CDYL: variants seen among roughly 807,000 people sequenced by gnomAD.
The protein encoded by CDYL is chromodomain Y-like protein.
CDYL carries 8 observed loss-of-function variants against 47.3 expected under a neutral mutation model. The ratio of observed to expected loss-of-function variants is 0.17; its 90% confidence interval spans 0.10 to 0.31. The LOEUF is 0.31. CDYL is among the 10% of genes least tolerant of loss of function. The pLI, the probability that CDYL is intolerant of heterozygous loss-of-function variation, is 1.00. For synonymous variants in CDYL, 266 were observed against 265.0 expected (o/e 1.00, Z -0.04); for missense variants, 471 against 701.4 (o/e 0.67, Z 3.71).
chr6:4,779,119 T>C (rs572862988), intron 1 of CDYL, among the ~76,000 whole-genome samples: 1 of 152,310 alleles, frequency 6.6e-6, no homozygotes, highest in African/African-American at 2.4e-5. Context: ...TAGAGTTGTA[T>C]TGTTTTCATA....
rs895308977 is a variant in CDYL at position 4,799,781 on chromosome 6, T to G, written c.24+22974T>G. Among the ~76,000 whole-genome samples the G allele has an allele frequency of 2.0e-4, 30 of 152,250 alleles. 1 individual carries two copies. The highest frequency in any genetic ancestry group is 6.8e-4 in the African/African-American group (28 of 41,472). ...TGTTTTATTGTTTTTTGGTCCAATT[T>G]TATCAATTACTGAGAAATATGTTAG... is the stretch of plus-strand genomic sequence containing the variant. On this transcript the variant is annotated intron_variant, in intron 1 of 6. Transcript: ENST00000397588.
chr6:4,733,946 G>T, intron 2 of CDYL, among the ~76,000 whole-genome samples: 1 of 151,406 alleles, frequency 6.6e-6, no homozygotes, highest in Non-Finnish European at 1.5e-5. Flanking sequence ...CTGCTTCCTG[G>T]GTTCAAGCTA....
chr6:4,928,929 T>G (rs998548021), intron 2 of CDYL, among the ~76,000 whole-genome samples: 3 of 152,214 alleles, frequency 2.0e-5, no homozygotes, highest in Non-Finnish European at 4.4e-5. Flanking sequence ...AGACATTGTT[T>G]CAGTGATGAG....
chr6:4,910,978 C>T (rs889882346), intron 2 of CDYL, among the ~76,000 whole-genome samples: 10 of 152,084 alleles, frequency 6.6e-5, no homozygotes, highest in Middle Eastern at 3.2e-3. Flanking sequence ...GGACTACAGG[C>T]GCCTGCCACC....
At chr6:4,891,576 A>G (rs1306074568) in intron 1 of CDYL, 137 bp from the exon 2 acceptor site, 4 of 687,870 alleles carry the variant, frequency 5.8e-6, no homozygotes, top group East Asian at 2.7e-5. Context: ...GCCTATTACT[A>G]TTTTATTGAG....
chr6:4,929,324 A>C (rs975911524), intron 2 of CDYL, among the ~76,000 whole-genome samples: 3 of 151,218 alleles, frequency 2.0e-5, no homozygotes, highest in African/African-American at 7.3e-5. Flanking sequence ...CTGTTATTCT[A>C]TCTGTAATCT....
intron 1 of CDYL, among the ~76,000 whole-genome samples, chr6:4,804,576 G>A (rs1268391643): frequency 6.6e-6 from 1 of 152,164 alleles, no homozygotes; most frequent in South Asian, 2.1e-4. Flanking sequence ...TGGCCTTGGA[G>A]GCTTATTTTG....
At chr6:4,840,379 G>C (rs1259354562) in intron 1 of CDYL, among the ~76,000 whole-genome samples, 1 of 152,062 alleles carries the variant, frequency 6.6e-6, no homozygotes, top group African/African-American at 2.4e-5. Flanking sequence ...CCTCTTTACT[G>C]ATTTGGATGG....
chr6:4,830,150 G>A (rs1760094888), intron 1 of CDYL, among the ~76,000 whole-genome samples: 1 of 152,194 alleles, frequency 6.6e-6, no homozygotes, highest in Non-Finnish European at 1.5e-5. Context: ...AATATTCAAG[G>A]TGTGCGTAAG....
intron 1 of CDYL, among the ~76,000 whole-genome samples, chr6:4,866,330 C>T (rs1761322360): frequency 6.6e-6 from 1 of 151,898 alleles, no homozygotes; most frequent in Non-Finnish European, 1.5e-5. Flanking sequence ...TAAGAGGATA[C>T]AAGTGCAAAA....
At chr6:4,882,784 G>A (rs893470108) in intron 1 of CDYL, among the ~76,000 whole-genome samples, 2 of 152,124 alleles carry the variant, frequency 1.3e-5, no homozygotes, top group Admixed American at 6.5e-5. Context: ...AAACACCTGT[G>A]GGAAAATATT....
intron 2 of CDYL, among the ~76,000 whole-genome samples, chr6:4,912,643 G>A (rs1757446570): frequency 1.3e-5 from 2 of 152,194 alleles, no homozygotes; most frequent in Non-Finnish European, 2.9e-5. Flanking sequence ...CTGAAACTAC[G>A]TAATTTACAA....
chr6:4,877,845 T>C (rs1184591747), intron 1 of CDYL, among the ~76,000 whole-genome samples: 1 of 152,194 alleles, frequency 6.6e-6, no homozygotes. Context: ...GTTAAAATCA[T>C]CTTGTTGGTT....
rs377370039 is a variant in CDYL at position 4,913,679 on chromosome 6, C to A, written c.691+21300C>A. Among the ~76,000 whole-genome samples the A allele has an allele frequency of 3.2e-3, 492 of 152,274 alleles. 1 individual carries two copies. Among genetic ancestry groups the A allele is most frequent in the African/African-American group, 0.011 (476 of 41,558 alleles). On this transcript the variant is annotated intron_variant, in intron 2 of 6. Transcript: ENST00000397588. ...AGGGTTATACTGGACAAAAGAGGAC[C>A]GTCTAGTCTAGGGATCAGCACGCTT...
In CDYL at chr6:4,845,853, G is replaced by C. The variant is rs1200229251; in HGVS notation, c.25-45860G>C. On this transcript the variant is annotated intron_variant, in intron 1 of 6. Coordinates refer to ENST00000397588, the MANE Select transcript of CDYL (RefSeq NM_004824.4). ...CCGAAACAGGTGGCAGGGTGGATTT[G>C]GCCCGCAGACCAATTTGTTGACCCT... Among the ~76,000 whole-genome samples the C allele has an allele frequency of 2.0e-5, 3 of 152,118 alleles. 1 individual carries two copies. The highest frequency in any genetic ancestry group is 2.0e-4 in the Admixed American group (3 of 15,256).
chr6:4,887,047 C>T lies in CDYL; in HGVS notation c.25-4666C>T, dbSNP rs60109407. On this transcript the variant is annotated intron_variant, in intron 1 of 6. Coordinates refer to ENST00000397588, the MANE Select transcript of CDYL (RefSeq NM_004824.4). ...TTTCAGAGCCTTCTATTCCATTAGG[C>T]TATATGTCTGTAGTTCCACGCTGCC... is the stretch of plus-strand genomic sequence containing the variant. Among the ~76,000 whole-genome samples the T allele has an allele frequency of 8.7e-3, 1,328 of 152,210 alleles. 25 individuals carry two copies. Among genetic ancestry groups the T allele is most frequent in the African/African-American group, 0.031 (1,268 of 41,532 alleles).
At chr6:4,748,682 A>ACAC (rs1248295380) in intron 3 of CDYL, among the ~76,000 whole-genome samples, 1,236 of 66,562 alleles carry the variant, frequency 0.019, 11 homozygotes, top group Non-Finnish European at 0.029. Flanking sequence ...CACACACACA[A>ACAC]ACAAATTTTA....
chr6:4,837,437 T>C (rs1398063465), intron 1 of CDYL, among the ~76,000 whole-genome samples: 4 of 151,980 alleles, frequency 2.6e-5, no homozygotes, highest in South Asian at 2.1e-4. Flanking sequence ...TTACAAAAAT[T>C]AGTAAATACT....
At chr6:4,708,459 C>T (rs2127405485) in intron 1 of CDYL, among the ~76,000 whole-genome samples, 1 of 152,240 alleles carries the variant, frequency 6.6e-6, no homozygotes, top group East Asian at 1.9e-4. Context: ...CACACCTGGC[C>T]ATATATTTTT....
Sources: gnomAD v4.1 joint callset for allele counts (sites outside exome capture counted in the v4.1 genomes callset) on GRCh38, gnomAD v4.1.1 for gene constraint, MANE v1.5 for transcripts, NCBI Gene and HGNC (gene_info 2026-07-23, HGNC 2026-07-21) for gene names.